The following G6PD variants were observed in gnomAD, a reference collection of about 807,000 sequenced individuals.
G6PD encodes glucose-6-phosphate 1-dehydrogenase.
Under a neutral mutation model 38.2 loss-of-function variants are expected in G6PD, and 2 were observed. The observed-to-expected ratio is 0.05, with a 90% CI of 0.02 to 0.16. The LOEUF (loss-of-function observed/expected upper bound fraction) is 0.16, where lower values mean the gene tolerates loss of function less well. Among genes scored for constraint, G6PD ranks in the 10% least tolerant of loss-of-function variants. The probability of loss-of-function intolerance (pLI) is 1.00; values close to 1 mark genes in which losing one functional copy is unlikely to be tolerated. For synonymous variants in G6PD, 188 were observed against 196.0 expected (o/e 0.96, Z 0.34); for missense variants, 310 against 471.6 (o/e 0.66, Z 3.17).
At chrX:154,540,653 A>C (rs1340730285) in intron 2 of G6PD, among the ~76,000 whole-genome samples, 2 of 108,069 alleles carry the variant, frequency 1.9e-5, no homozygotes, top group African/African-American at 3.4e-5. Flanking sequence ...AAAAAAAAAA[A>C]AAACACATGC....
chrX:154,533,478 T>TA, intron 8 of G6PD, 98 bp downstream of exon 8: 2 of 1,070,647 alleles, frequency 1.9e-6, no homozygotes, highest in Non-Finnish European at 2.5e-6. Context: ...TCTCCGGGGT[T>TA]GAGGACACCT....
At chrX:154,547,089 T>G, upstream of G6PD, 8 of 150,358 alleles carry the variant, frequency 5.3e-5, no homozygotes, top group East Asian at 1.7e-4. Flanking sequence ...GCATCCCCAA[T>G]TCCGGCGGGC....
chrX:154,535,083 C>A (rs1027988931), intron 5 of G6PD, 85 bp downstream of exon 5: 14 of 965,962 alleles, frequency 1.4e-5, no homozygotes, highest in Non-Finnish European at 1.8e-5. Flanking sequence ...CCCAGATCCC[C>A]GGCCCCGGAC....
Position 154,536,003 on chromosome X carries a change from G to A in G6PD, c.201C>T (p.Ile67=), listed in dbSNP as rs1357125344. The change falls in exon 4 of 13, where the codon ATC becomes ATT. Residue 67 remains isoleucine (I), a synonymous_variant. Transcript: ENST00000393562. ...RDGLLPENTF[I]VGYARSRLTV... ...TGAGGCGGGAACGGGCATAGCCCAC[G>A]ATGAAGGTGTTTTCGGGCAGAAGGC... The A allele has an allele frequency of 7.4e-6, 9 of 1,210,442 alleles. No homozygotes were observed. Among genetic ancestry groups the A allele is most frequent in the African/African-American group, 3.5e-5 (2 of 57,332 alleles).
At chrX:154,547,222 G>A, upstream of G6PD, 1 of 545,087 alleles carries the variant, frequency 1.8e-6, no homozygotes, top group Non-Finnish European at 2.2e-6. Context: ...ACTTCCGCCG[G>A]CAGCGTGGCC....
At chrX:154,533,222 G>A (rs2070363013) in intron 8 of G6PD, 94 bp from the exon 9 acceptor site, 6 of 1,018,705 alleles carry the variant, frequency 5.9e-6, no homozygotes, top group Non-Finnish European at 8.2e-6. Context: ...CTCAGGGCAG[G>A]AGGAGGCCCC....
At chrX:154,546,409 G>C (rs893437876) in intron 1 of G6PD, among the ~76,000 whole-genome samples, 1 of 112,137 alleles carries the variant, frequency 8.9e-6, no homozygotes, top group South Asian at 3.7e-4. Context: ...TCAAAGCATT[G>C]GTGTATTCCG....
chrX:154,533,405 G>A (rs1428518694), intron 8 of G6PD, 171 bp downstream of exon 8: 1 of 570,919 alleles, frequency 1.8e-6, no homozygotes, highest in Non-Finnish European at 2.8e-6. Context: ...TGACAACTTG[G>A]GCTTCATGAC....
intron 8 of G6PD, 156 bp downstream of exon 8, chrX:154,533,420 A>G: frequency 3.1e-6 from 2 of 635,342 alleles, no homozygotes; most frequent in Non-Finnish European, 4.8e-6. Context: ...CATGACTGCC[A>G]GTCCAGGTCA....
At chrX:154,535,821 G>T in intron 4 of G6PD, 116 bp downstream of exon 4, 1 of 598,345 alleles carries the variant, frequency 1.7e-6, no homozygotes, top group Non-Finnish European at 2.8e-6. Flanking sequence ...GCGGGGCGGG[G>T]CAGGAGAGGA....
At chrX:154,536,115 CA>C in intron 3 of G6PD, 25 bp downstream of exon 3, 5 of 1,210,931 alleles carry the variant, frequency 4.1e-6, no homozygotes, top group Non-Finnish European at 5.6e-6. Context: ...CGGGAGGTCA[CA>C]GGGGCAGTGG....
chrX:154,535,089 C>G (rs781887925), intron 5 of G6PD, 79 bp downstream of exon 5: 2 of 998,483 alleles, frequency 2.0e-6, no homozygotes, highest in African/African-American at 1.9e-5. Context: ...TCCCCGGCCC[C>G]GGACACGCTC....
chrX:154,531,660 C>T lies in G6PD; in HGVS notation c.*340G>A. On this transcript the variant is annotated 3_prime_UTR_variant, in exon 13 of 13. Transcript: ENST00000393562. ...CTCCCCCTCGTCCCTCCCTCCCACCCTGGCCCCACTCAGGAGTGAGACCCA... is the reference window on the plus strand; with the variant it reads ...CTCCCCCTCGTCCCTCCCTCCCACCTTGGCCCCACTCAGGAGTGAGACCCA... 1 of 272,548 alleles carries T rather than the reference C, an allele frequency of 3.7e-6. No individual in the cohort carries two copies. The highest frequency in any genetic ancestry group is 6.7e-6 in the Non-Finnish European group (1 of 150,289). 22.5% of individuals were successfully genotyped at this position (272,548 alleles called of 1,213,427 possible). A position where few individuals can be genotyped will look rare whatever the true frequency, so the allele number is the denominator to read the frequency against.
chrX:154,538,321 G>C (rs191586707), intron 2 of G6PD, among the ~76,000 whole-genome samples: 4 of 111,843 alleles, frequency 3.6e-5, no homozygotes, highest in African/African-American at 9.7e-5. Context: ...AAAAAAAGAA[G>C]AAAACATCAG....
rs1247936258 is a variant in G6PD at position 154,531,861 on chromosome X, C to T, written c.*139G>A. ...AGCTGGGCTCGGGTAGTAGCAGCAG[C>T]GAGGGGCGGGCCAGGGTGGCCAGAG... On this transcript the variant is annotated 3_prime_UTR_variant, in exon 13 of 13. Coordinates refer to ENST00000393562, the MANE Select transcript of G6PD (RefSeq NM_001360016.2). 9 of 1,015,865 alleles carry T rather than the reference C, an allele frequency of 8.9e-6. No individual in the cohort carries two copies. Among genetic ancestry groups the T allele is most frequent in the African/African-American group, 5.7e-5 (3 of 52,519 alleles). The allele number at this position is 1,015,865 out of a possible 1,213,427, so 83.7% of individuals were successfully genotyped here.
chrX:154,533,358 C>G, intron 8 of G6PD: 2 of 500,099 alleles, frequency 4.0e-6, no homozygotes, highest in Non-Finnish European at 6.6e-6. Flanking sequence ...AGGCAATGGC[C>G]TTCCCTGGTC....
chrX:154,537,998 T>G (rs2070430424), intron 2 of G6PD, among the ~76,000 whole-genome samples: 2 of 108,149 alleles, frequency 1.8e-5, no homozygotes, highest in Admixed American at 2.0e-4. Flanking sequence ...AGGTTTTTTT[T>G]TTTTTTTTTT....
Position 154,531,839 on chromosome X carries a change from T to C in G6PD, c.*161A>G, listed in dbSNP as rs1386705233. On this transcript the variant is annotated 3_prime_UTR_variant, in exon 13 of 13. Coordinates refer to ENST00000393562, the MANE Select transcript of G6PD (RefSeq NM_001360016.2). ...GTGCTTGGCAGCTGAGGAATGTAGC[T>C]GGGCTCGGGTAGTAGCAGCAGCGAG... The C allele has an allele frequency of 3.4e-6, 3 of 889,267 alleles. No individual in the cohort carries two copies. In the African/African-American group the frequency reaches 6.0e-5, roughly 18 times the overall value. 73.3% of individuals were successfully genotyped at this position (889,267 alleles called of 1,213,427 possible).
At position 154,541,002 on chromosome X, in the gene G6PD, G is replaced by T. The variant is rs1350879662; in HGVS notation, c.121-4824C>A. On this transcript the variant is annotated intron_variant, in intron 2 of 12. Transcript: ENST00000393562. ...CAGCTCCTCACAGCACCTGCCATCAGTGGGGCTGGGGAGGGGAACGTTGCC... is the reference window on the plus strand; with the variant it reads ...CAGCTCCTCACAGCACCTGCCATCATTGGGGCTGGGGAGGGGAACGTTGCC... 2.7e-5 allele frequency among the ~76,000 whole-genome samples: 3 copies of T among 111,954 alleles called. No homozygotes were observed. In the East Asian group the frequency reaches 8.4e-4, roughly 31 times the overall value.
Sources: gnomAD v4.1 joint callset for allele counts (sites outside exome capture counted in the v4.1 genomes callset) on GRCh38, gnomAD v4.1.1 for gene constraint, MANE v1.5 for transcripts, NCBI Gene and HGNC (gene_info 2026-07-23, HGNC 2026-07-21) for gene names.